The following DPT variants were observed in gnomAD, a reference collection of about 807,000 sequenced individuals.
The protein encoded by DPT is tyrosine-rich acidic matrix protein.
In DPT, 21 loss-of-function variants were observed where a neutral mutation model predicts 31.2. The ratio of observed to expected loss-of-function variants is 0.67; its 90% CI spans 0.48 to 0.97. The LOEUF (loss-of-function observed/expected upper bound fraction) is 0.97, where lower values mean the gene tolerates loss of function less well. Among genes scored for constraint, DPT ranks in the 50% least tolerant of loss-of-function variants. The pLI is 0.00. For synonymous variants in DPT, 91 were observed against 86.9 expected (o/e 1.05, Z -0.26); for missense variants, 262 against 258.8 (o/e 1.01, Z -0.08).
At chr1:168,721,043 C>A (rs1485577770) in intron 1 of DPT, among the ~76,000 whole-genome samples, 1 of 152,170 alleles carries the variant, frequency 6.6e-6, no homozygotes, top group Non-Finnish European at 1.5e-5. Flanking sequence ...AATTACCAGA[C>A]ACTGTAACTG....
chr1:168,723,042 T>C (rs57248046), intron 1 of DPT, among the ~76,000 whole-genome samples: 6,448 of 152,270 alleles, frequency 0.042, 179 homozygotes, highest in Admixed American at 0.054. Context: ...CCCCAGACAA[T>C]TGATTCCTAG....
intron 2 of DPT, among the ~76,000 whole-genome samples, chr1:168,712,976 G>A (rs1182464187): frequency 3.3e-5 from 5 of 152,130 alleles, no homozygotes; most frequent in Admixed American, 6.5e-5. Flanking sequence ...TGATGTGCTT[G>A]AGCCTGCAGA....
chr1:168,725,922 A>T (rs1650233614), intron 1 of DPT, among the ~76,000 whole-genome samples: 1 of 152,218 alleles, frequency 6.6e-6, no homozygotes, highest in South Asian at 2.1e-4. Context: ...GAACAGACTA[A>T]GCCTGTAGCC....
intron 3 of DPT, among the ~76,000 whole-genome samples, chr1:168,697,663 T>A (rs1015167436): frequency 6.6e-6 from 1 of 152,258 alleles, no homozygotes; most frequent in Non-Finnish European, 1.5e-5. Flanking sequence ...GGTCTAATAC[T>A]GTTGAACAGT....
At chr1:168,705,695 A>C (rs627098) in intron 2 of DPT, among the ~76,000 whole-genome samples, 92,791 of 152,114 alleles carry the variant, frequency 0.61, 29,554 homozygotes, top group African/African-American at 0.8. Context: ...CAATTAGCAC[A>C]TTACTTTAAA....
At chr1:168,718,678 G>T (rs984150204) in intron 1 of DPT, among the ~76,000 whole-genome samples, 2 of 152,140 alleles carry the variant, frequency 1.3e-5, no homozygotes, top group Non-Finnish European at 2.9e-5. Flanking sequence ...CATCTGGGCG[G>T]GTTTCGTGCC....
At chr1:168,709,506 G>C (rs1398545386) in intron 2 of DPT, among the ~76,000 whole-genome samples, 2 of 152,158 alleles carry the variant, frequency 1.3e-5, no homozygotes, top group African/African-American at 4.8e-5. Context: ...AAGAGAAACC[G>C]CACAAGCTGA....
intron 1 of DPT, among the ~76,000 whole-genome samples, chr1:168,715,837 T>G (rs1358333240): frequency 1.3e-5 from 2 of 152,248 alleles, no homozygotes; most frequent in Non-Finnish European, 2.9e-5. Context: ...TCTCCTTCTT[T>G]GCATTTCCCA....
chr1:168,697,507 G>A (rs971673967), intron 3 of DPT, among the ~76,000 whole-genome samples: 1 of 152,230 alleles, frequency 6.6e-6, no homozygotes, highest in Non-Finnish European at 1.5e-5. Flanking sequence ...TTGGGGATGG[G>A]AAGAGTGTAC....
intron 2 of DPT, among the ~76,000 whole-genome samples, chr1:168,711,038 T>C (rs1463817857): frequency 6.6e-6 from 1 of 150,986 alleles, no homozygotes; most frequent in African/African-American, 2.4e-5. Flanking sequence ...TGAGTCAGAG[T>C]CTTGCTCTGT....
intron 2 of DPT, among the ~76,000 whole-genome samples, chr1:168,704,764 G>A (rs1649681513): frequency 6.6e-6 from 1 of 152,236 alleles, no homozygotes; most frequent in Non-Finnish European, 1.5e-5. Flanking sequence ...GTCAGCTGAA[G>A]CTGATGGTAA....
Position 168,714,324 on chromosome 1 carries a change from C to A in DPT, c.328G>T (p.Gly110Trp), listed in dbSNP as rs765001471. 2 of 1,614,090 alleles carry A rather than the reference C, an allele frequency of 1.2e-6. No homozygotes were observed. The highest frequency in any genetic ancestry group is 2.7e-5 in the African/African-American group (2 of 75,006). The part of the protein sequence containing the change: ...MEWYQTCSNN[G>W]LVAGFQSRYF... Reference sequence around the variant, plus strand: ...CGGCTCTGGAATCCTGCCACCAGCCCATTGTTGGAGCACGTCTGGTACCTG... The same window carrying A: ...CGGCTCTGGAATCCTGCCACCAGCCAATTGTTGGAGCACGTCTGGTACCTG... Residue 110 changes from glycine to tryptophan, a missense_variant, in exon 2 of 4, where the codon GGG becomes TGG. Coordinates refer to ENST00000367817, the MANE Select transcript of DPT (RefSeq NM_001937.5).
intron 2 of DPT, among the ~76,000 whole-genome samples, chr1:168,712,291 T>C (rs1467738947): frequency 2.0e-5 from 3 of 151,990 alleles, no homozygotes; most frequent in Admixed American, 6.6e-5. Flanking sequence ...CTGTCCATGT[T>C]CCCCTTCCTC....
chr1:168,715,505 C>A (rs1166518625), intron 1 of DPT, among the ~76,000 whole-genome samples: 1 of 152,142 alleles, frequency 6.6e-6, no homozygotes, highest in East Asian at 1.9e-4. Flanking sequence ...TAGAATTTTA[C>A]ATCTAGAATT....
At chr1:168,703,698 C>T (rs191191114) in intron 2 of DPT, among the ~76,000 whole-genome samples, 57 of 152,200 alleles carry the variant, frequency 3.7e-4, no homozygotes, top group African/African-American at 1.2e-3. Flanking sequence ...CTAGAGAAAC[C>T]TGGGTAAAGG....
rs554522572 is a variant in DPT, at chr1:168,700,861, G to T, written c.539+156C>A. Among the ~76,000 whole-genome samples, 9 of 151,586 alleles carry T rather than the reference G, an allele frequency of 5.9e-5. No individual in the cohort carries two copies. The East Asian group carries it at 9.7e-4, about 16-fold the overall frequency. On this transcript the variant is annotated intron_variant, in intron 3 of 3. Transcript: ENST00000367817. ...TCAAAGTTCCTGCAGAAATATATGT[G>T]CATGTAAGAAATTTTCACTTGTATT...
At chr1:168,716,802 C>T (rs1314764561) in intron 1 of DPT, among the ~76,000 whole-genome samples, 3 of 152,130 alleles carry the variant, frequency 2.0e-5, no homozygotes, top group South Asian at 2.1e-4. Context: ...AGAGCATTCA[C>T]TGTTTGGTTT....
chr1:168,697,458 T>A (rs752986110), intron 3 of DPT, among the ~76,000 whole-genome samples: 94 of 152,210 alleles, frequency 6.2e-4, no homozygotes, highest in Non-Finnish European at 1.1e-3. Flanking sequence ...CATTCTGGCA[T>A]CACAAGAATT....
At chr1:168,702,284 T>C (rs1649616607) in intron 2 of DPT, among the ~76,000 whole-genome samples, 1 of 150,038 alleles carries the variant, frequency 6.7e-6, no homozygotes, top group Admixed American at 6.6e-5. Flanking sequence ...TCTCCAAGAT[T>C]GTCATTAAAT....
Sources: allele counts gnomAD v4.1 joint callset (sites outside exome capture counted in the v4.1 genomes callset), GRCh38; gene constraint gnomAD v4.1.1; transcripts MANE v1.5; gene names NCBI Gene and HGNC (gene_info 2026-07-23, HGNC 2026-07-21).